Variants in NCALD observed in about 807,000 individuals in gnomAD.
NCALD encodes the protein neurocalcin-delta.
Under a neutral mutation model 18.6 loss-of-function variants are expected in NCALD, and 10 were observed. The ratio of observed to expected loss-of-function variants is 0.54; its 90% CI spans 0.33 to 0.91. The LOEUF (loss-of-function observed/expected upper bound fraction) is 0.91, where lower values mean the gene tolerates loss of function less well. Among genes scored for constraint, NCALD ranks in the 40% least tolerant of loss-of-function variants. NCALD has a pLI of 0.03. For synonymous variants in NCALD, 88 were observed against 87.4 expected, an observed-to-expected ratio of 1.01 and a Z score of -0.04; for missense variants, 184 against 247.6, an observed-to-expected ratio of 0.74 and a Z score of 1.72.
At chr8:102,051,704 C>T (rs1190146299) in intron 1 of NCALD, among the ~76,000 whole-genome samples, 8 of 152,262 alleles carry the variant, frequency 5.3e-5, no homozygotes, top group South Asian at 2.1e-4. Context: ...TTCAGCAGCA[C>T]GGTACTCCGA....
chr8:101,756,096 TA>T (rs1810869007), intron 1 of NCALD, among the ~76,000 whole-genome samples: 1 of 140,730 alleles, frequency 7.1e-6, no homozygotes, highest in Non-Finnish European at 1.6e-5. Context: ...TTTTTTTTTT[TA>T]AATCAAGACA....
intron 1 of NCALD, among the ~76,000 whole-genome samples, chr8:102,119,125 T>C (rs966123792): frequency 6.6e-6 from 1 of 152,154 alleles, no homozygotes; most frequent in Non-Finnish European, 1.5e-5. Context: ...TGTACACCCA[T>C]ATTCACAGCA....
chr8:101,983,741 T>C (rs1395029884), intron 2 of NCALD, among the ~76,000 whole-genome samples: 3 of 152,296 alleles, frequency 2.0e-5, no homozygotes, highest in Non-Finnish European at 4.4e-5. Context: ...TGGTTGAGGT[T>C]TGCCAATGGA....
intron 2 of NCALD, among the ~76,000 whole-genome samples, chr8:101,976,356 T>C (rs996472464): frequency 6.6e-5 from 10 of 152,318 alleles, no homozygotes; most frequent in African/African-American, 2.4e-4. Context: ...CTGAGGGACC[T>C]GGGATTGGGG....
intron 2 of NCALD, among the ~76,000 whole-genome samples, chr8:101,997,333 A>G (rs1295662069): frequency 6.6e-6 from 1 of 152,224 alleles, no homozygotes; most frequent in African/African-American, 2.4e-5. Flanking sequence ...AAACTAATGA[A>G]CAATGTAAAT....
intron 1 of NCALD, among the ~76,000 whole-genome samples, chr8:101,774,580 G>C (rs1811714488): frequency 6.6e-6 from 1 of 152,206 alleles, no homozygotes; most frequent in Non-Finnish European, 1.5e-5. Context: ...AAGAGCAAAA[G>C]AAAGAGACAT....
chr8:102,092,164 G>C (rs1050977730), intron 1 of NCALD, among the ~76,000 whole-genome samples: 1 of 152,190 alleles, frequency 6.6e-6, no homozygotes, highest in Non-Finnish European at 1.5e-5. Context: ...ACAGTGACCT[G>C]GTCGTCCTCA....
In NCALD at chr8:101,982,765, C is replaced by T. The variant is rs570311144; in HGVS notation, c.-157+37472G>A. Among the ~76,000 whole-genome samples the T allele has an allele frequency of 7.9e-5, 12 of 151,440 alleles. 2 individuals are homozygous for T. The highest frequency in any genetic ancestry group is 2.4e-4 in the African/African-American group (10 of 41,246). On this transcript the variant is annotated intron_variant, in intron 2 of 6. Coordinates refer to the NCALD transcript ENST00000311028. ...CTGAGGCAGGAGAATTGCTTGAACC[C>T]GGGAGGCAGAGGCTGTAGTGAGCCG... is the stretch of plus-strand genomic sequence containing the variant.
chr8:101,959,425 T>C (rs568398193), intron 2 of NCALD, among the ~76,000 whole-genome samples: 49 of 152,298 alleles, frequency 3.2e-4, no homozygotes, highest in African/African-American at 1.1e-3. Flanking sequence ...AGTAAATTAC[T>C]CATTTTTCTT....
chr8:101,876,726 C>T (rs562704431), intron 4 of NCALD, among the ~76,000 whole-genome samples: 9 of 152,326 alleles, frequency 5.9e-5, no homozygotes, highest in African/African-American at 1.7e-4. Flanking sequence ...ATTTACAAGA[C>T]ATAGTACTTA....
intron 1 of NCALD, among the ~76,000 whole-genome samples, chr8:102,075,600 T>C (rs1002931847): frequency 3.9e-5 from 6 of 152,192 alleles, no homozygotes; most frequent in African/African-American, 1.4e-4. Context: ...TTTAAATCAA[T>C]AGGAGAATCT....
chr8:101,812,227 A>G (rs976954173), intron 4 of NCALD, among the ~76,000 whole-genome samples: 1 of 152,180 alleles, frequency 6.6e-6, no homozygotes, highest in African/African-American at 2.4e-5. Context: ...TCAGGGATAA[A>G]ATCCAGCCCC....
At chr8:102,026,006 A>G (rs540401516) in intron 1 of NCALD, among the ~76,000 whole-genome samples, 1 of 152,320 alleles carries the variant, frequency 6.6e-6, no homozygotes, top group East Asian at 1.9e-4. Flanking sequence ...AAAAGCAGGG[A>G]AAGTCCCTTA....
intron 3 of NCALD, chr8:101,692,576 A>G: frequency 1.0e-6 from 1 of 985,362 alleles, no homozygotes; most frequent in Non-Finnish European, 1.2e-6. Flanking sequence ...GTTGACCTAC[A>G]AGGAGGATAG....
intron 3 of NCALD, among the ~76,000 whole-genome samples, chr8:101,911,361 CTT>C (rs56017823): frequency 5.1e-5 from 7 of 137,676 alleles, no homozygotes; most frequent in Non-Finnish European, 4.7e-5. Context: ...TTTTTCTTTT[CTT>C]TTTTTTTTTT....
At chr8:101,856,418 C>T (rs1304661749) in intron 4 of NCALD, among the ~76,000 whole-genome samples, 1 of 152,104 alleles carries the variant, frequency 6.6e-6, no homozygotes, top group Non-Finnish European at 1.5e-5. Flanking sequence ...AGCCATCTGC[C>T]GACCTTGGCT....
chr8:101,997,037 T>C (rs1362303254), intron 2 of NCALD, among the ~76,000 whole-genome samples: 3 of 152,198 alleles, frequency 2.0e-5, no homozygotes, highest in Admixed American at 6.5e-5. Context: ...ATGAGCAGCT[T>C]ATGGATTCCA....
intron 1 of NCALD, among the ~76,000 whole-genome samples, chr8:102,075,199 G>C (rs1587024763): frequency 6.6e-6 from 1 of 152,240 alleles, no homozygotes; most frequent in African/African-American, 2.4e-5. Context: ...ATAACAAGTA[G>C]ACAACTCACA....
At chr8:102,124,505 CT>C (rs147368156), upstream of NCALD, 35,806 of 96,294 alleles carry the variant, frequency 0.37, 8,825 homozygotes, top group Non-Finnish European at 0.45. Context: ...CGCCCCCCCC[CT>C]CCCCCGCTTG....
Sources: allele counts gnomAD v4.1 joint callset (sites outside exome capture counted in the v4.1 genomes callset), GRCh38; gene constraint gnomAD v4.1.1; transcripts MANE v1.5; gene names NCBI Gene and HGNC (gene_info 2026-07-23, HGNC 2026-07-21).